The following VEGFC variants were observed in gnomAD, a reference collection of about 807,000 sequenced individuals.
VEGFC encodes vascular endothelial growth factor C, also known as FLT4 ligand DHM.
VEGFC carries 12 observed loss-of-function variants against 46.1 expected under a neutral mutation model. The ratio of observed to expected loss-of-function variants is 0.26; its 90% CI spans 0.17 to 0.42. The LOEUF (loss-of-function observed/expected upper bound fraction) is 0.42, where lower values mean the gene tolerates loss of function less well. VEGFC is among the 10% of genes least tolerant of loss of function. The probability of loss-of-function intolerance (pLI) is 1.00; values close to 1 mark genes in which losing one functional copy is unlikely to be tolerated. For synonymous variants in VEGFC, 232 were observed against 195.5 expected (o/e 1.19, Z -1.56); for missense variants, 488 against 529.4 (o/e 0.92, Z 0.77).
intron 4 of VEGFC, among the ~76,000 whole-genome samples, chr4:176,708,365 TTTATTTG>T (rs1734571470): frequency 6.6e-6 from 1 of 152,002 alleles, no homozygotes; most frequent in African/African-American, 2.4e-5. Flanking sequence ...ACTTAAACAT[TTTATTTG>T]TTATTTAACA....
intron 1 of VEGFC, among the ~76,000 whole-genome samples, chr4:176,766,306 C>T (rs1425684492): frequency 6.6e-6 from 1 of 152,118 alleles, no homozygotes; most frequent in African/African-American, 2.4e-5. Context: ...TACAATGAAG[C>T]TGTGCATGGT....
intron 4 of VEGFC, among the ~76,000 whole-genome samples, chr4:176,706,579 T>G (rs1372871924): frequency 8.2e-6 from 1 of 122,356 alleles, no homozygotes; most frequent in Non-Finnish European, 1.6e-5. Flanking sequence ...TGAGCTGAGA[T>G]CACGTCATTG....
chr4:176,713,234 A>T (rs1432666297), intron 3 of VEGFC, among the ~76,000 whole-genome samples: 1 of 152,148 alleles, frequency 6.6e-6, no homozygotes, highest in African/African-American at 2.4e-5. Flanking sequence ...TATGATTTTG[A>T]CCAGTTTCTT....
chr4:176,687,916 G>A lies in VEGFC; in HGVS notation c.716C>T (p.Ala239Val), dbSNP rs766231656. Residue 239 changes from alanine to valine, a missense_variant, in exon 5 of 7, where the codon GCG becomes GTG. Ala to Val is a moderately conservative substitution (Grantham distance 64, BLOSUM62 0). Transcript: ENST00000618562. ...GTAATTGGTGGGGCAGGTCTTGTTC[G>A]CTGCCTGACACCTTTGGAAGAAACA... ...LPATLPQCQA[A>V]NKTCPTNYMW... is the part of the protein sequence containing the mutation. 2.1e-5 allele frequency: 34 copies of A among 1,609,914 alleles called. No individual in the cohort carries two copies. The African/African-American group carries it at 2.1e-4, about 10-fold the overall frequency.
intron 4 of VEGFC, among the ~76,000 whole-genome samples, chr4:176,689,136 T>G (rs1734101663): frequency 6.6e-6 from 1 of 152,204 alleles, no homozygotes; most frequent in Non-Finnish European, 1.5e-5. Flanking sequence ...TTTATTTATA[T>G]CTTTCACACT....
chr4:176,722,700 A>G (rs1433032419), intron 3 of VEGFC, among the ~76,000 whole-genome samples: 1 of 151,846 alleles, frequency 6.6e-6, no homozygotes, highest in East Asian at 1.9e-4. Context: ...GGGTTTCACT[A>G]TGTTGCCCAG....
chr4:176,731,307 G>T lies in VEGFC; in HGVS notation c.148-1561C>A, dbSNP rs2111020115. ...CAAAAGTGTTTCAGAATCTCAAAAG[G>T]TTACTACTGAAGGGAAAATTTATAA... On this transcript the variant is annotated intron_variant, in intron 1 of 6. Coordinates refer to ENST00000618562, the MANE Select transcript of VEGFC (RefSeq NM_005429.5). Among the ~76,000 whole-genome samples, 4 of 152,006 alleles carry T rather than the reference G, an allele frequency of 2.6e-5. No individual in the cohort carries two copies. In the South Asian group the frequency reaches 8.3e-4, roughly 32 times the overall value.
chr4:176,687,193 G>T lies in VEGFC; in HGVS notation c.1139C>A (p.Thr380Lys), dbSNP rs780942326. 3.7e-6 allele frequency: 6 copies of T among 1,611,280 alleles called. 1 individual carries two copies. The South Asian group carries it at 6.6e-5, about 18-fold the overall frequency. The change falls in exon 6 of 7, where the codon ACA becomes AAA. Residue 380 changes from threonine (T) to lysine (K), a missense_variant. Transcript: ENST00000618562. ...LLKGKKFHHQ[T>K]CSCYRRPCTN... ...CTTCATGAGGATCTCTTACCTGCATGTTTGGTGGTGGAACTTCTTTCCTTT... is the reference window on the plus strand; with the variant it reads ...CTTCATGAGGATCTCTTACCTGCATTTTTGGTGGTGGAACTTCTTTCCTTT...
intron 4 of VEGFC, among the ~76,000 whole-genome samples, chr4:176,699,876 T>TA (rs1187047307): frequency 6.6e-6 from 1 of 152,198 alleles, no homozygotes; most frequent in Admixed American, 6.5e-5. Context: ...CAAAAACACA[T>TA]AGACTTATCT....
intron 1 of VEGFC, among the ~76,000 whole-genome samples, chr4:176,778,251 T>C (rs1448434380): frequency 6.6e-6 from 1 of 152,182 alleles, no homozygotes; most frequent in Non-Finnish European, 1.5e-5. Flanking sequence ...CAAATGCAGT[T>C]TCCTCACAAT....
At chr4:176,732,127 T>G (rs1734978681) in intron 1 of VEGFC, among the ~76,000 whole-genome samples, 1 of 152,024 alleles carries the variant, frequency 6.6e-6, no homozygotes, top group South Asian at 2.1e-4. Flanking sequence ...ACGAAATTAT[T>G]TGCAATATAC....
intron 1 of VEGFC, among the ~76,000 whole-genome samples, chr4:176,789,426 C>G (rs183881281): frequency 1.3e-5 from 2 of 152,268 alleles, no homozygotes; most frequent in East Asian, 3.9e-4. Flanking sequence ...GAGTGGAAAT[C>G]AAAATGAAAG....
At chr4:176,733,130 C>T (rs897291393) in intron 1 of VEGFC, among the ~76,000 whole-genome samples, 8 of 151,870 alleles carry the variant, frequency 5.3e-5, no homozygotes, top group African/African-American at 1.2e-4. Context: ...CTCACAAGGA[C>T]GTGCAGCAAC....
intron 1 of VEGFC, among the ~76,000 whole-genome samples, chr4:176,765,976 G>C (rs960123607): frequency 6.6e-6 from 1 of 151,710 alleles, no homozygotes; most frequent in African/African-American, 2.4e-5. Flanking sequence ...TTAGAATATA[G>C]AAAATAAATG....
chr4:176,774,534 T>C (rs1735781269), intron 1 of VEGFC, among the ~76,000 whole-genome samples: 1 of 152,130 alleles, frequency 6.6e-6, no homozygotes, highest in African/African-American at 2.4e-5. Flanking sequence ...TTTGCATATG[T>C]AAAATGGGGA....
chr4:176,756,216 T>C (rs1735430340), intron 1 of VEGFC, among the ~76,000 whole-genome samples: 1 of 152,086 alleles, frequency 6.6e-6, no homozygotes, highest in Non-Finnish European at 1.5e-5. Flanking sequence ...TTTTCTTATT[T>C]AATAAAATGT....
intron 5 of VEGFC, 82 bp downstream of exon 5, chr4:176,687,739 A>G (rs1734070518): frequency 3.6e-6 from 4 of 1,097,308 alleles, no homozygotes; most frequent in African/African-American, 1.6e-5. Flanking sequence ...GATGAATATT[A>G]TATGTGTGGT....
At chr4:176,713,554 T>A (rs1349913127) in intron 3 of VEGFC, among the ~76,000 whole-genome samples, 1 of 152,174 alleles carries the variant, frequency 6.6e-6, no homozygotes, top group Non-Finnish European at 1.5e-5. Flanking sequence ...GGTAGGAAGG[T>A]GTACCTAAGA....
intron 4 of VEGFC, among the ~76,000 whole-genome samples, chr4:176,698,705 A>T (rs1473625258): frequency 6.6e-6 from 1 of 151,950 alleles, no homozygotes; most frequent in Non-Finnish European, 1.5e-5. Flanking sequence ...ACACTCTAAC[A>T]TTTCCCCATG....
Sources: gnomAD v4.1 joint callset for allele counts (sites outside exome capture counted in the v4.1 genomes callset) on GRCh38, gnomAD v4.1.1 for gene constraint, MANE v1.5 for transcripts, NCBI Gene and HGNC (gene_info 2026-07-23, HGNC 2026-07-21) for gene names.